Variants in FRMPD4 observed in about 807,000 individuals in gnomAD.
The protein encoded by FRMPD4 is FERM and PDZ domain-containing protein 4.
A neutral mutation model predicts 94.1 loss-of-function variants in FRMPD4; 22 were observed. The ratio of observed to expected loss-of-function variants is 0.23; its 90% CI spans 0.17 to 0.33. FRMPD4 has a LOEUF of 0.33. Ranked by LOEUF, FRMPD4 falls within the 10% of genes least tolerant of loss-of-function variation. FRMPD4 has a pLI of 1.00. For missense variants in FRMPD4, 1,111 were observed against 1,339.9 expected (o/e 0.83, Z 2.67); for synonymous variants, 631 against 548.6 (o/e 1.15, Z -2.10).
intron 2 of FRMPD4, among the ~76,000 whole-genome samples, chrX:12,520,008 A>G (rs2058144731): frequency 8.9e-6 from 1 of 112,266 alleles, no homozygotes; most frequent in Non-Finnish European, 1.9e-5. Flanking sequence ...AAAATTAAAA[A>G]TATAACTACT....
In FRMPD4 at chrX:12,498,739, T is replaced by A. The variant is rs1177830373; in HGVS notation, c.101T>A (p.Val34Glu). The change falls in exon 2 of 17, where the codon GTG (valine) becomes GAG (glutamate). Residue 34 changes from valine (V) to glutamate (E), a missense_variant. By Grantham distance (121) the Val-to-Glu change is moderately radical. This residue lies in a region of FRMPD4 where 140 missense variants were observed against 165.9 expected (regional missense o/e 0.84). Transcript: ENST00000675598. ...PPSGTWGLSQVPPYGWEMTAN... is the reference protein window; with the variant it reads ...PPSGTWGLSQEPPYGWEMTAN... Reference sequence around the variant, plus strand: ...TCGGGAACCTGGGGCTTGAGCCAGGTGCCGCCCTATGGATGGGAGATGACG... The same window carrying A: ...TCGGGAACCTGGGGCTTGAGCCAGGAGCCGCCCTATGGATGGGAGATGACG... 1 of 1,201,841 alleles carries A rather than the reference T, an allele frequency of 8.3e-7. No homozygotes were observed. Among genetic ancestry groups the A allele is most frequent in the African/African-American group, 1.8e-5 (1 of 57,026 alleles).
intron 3 of FRMPD4, among the ~76,000 whole-genome samples, chrX:11,895,106 T>C (rs1451422687): frequency 1.8e-5 from 2 of 111,892 alleles, no homozygotes; most frequent in African/African-American, 3.3e-5. Context: ...TTCTTGCTCT[T>C]GCTTGTACAA....
chrX:12,494,469 C>G (rs184258377), intron 1 of FRMPD4, among the ~76,000 whole-genome samples: 4 of 111,986 alleles, frequency 3.6e-5, no homozygotes, highest in Admixed American at 2.8e-4. Flanking sequence ...GGTCACAAAT[C>G]TAGTAAGTGG....
intron 1 of FRMPD4, among the ~76,000 whole-genome samples, chrX:12,280,303 A>G (rs972955329): frequency 9.3e-6 from 1 of 107,463 alleles, no homozygotes; most frequent in Non-Finnish European, 1.9e-5. Flanking sequence ...AGCAAAGAAC[A>G]AGACTATCCT....
At chrX:12,003,425 A>AT (rs1487100740) in intron 3 of FRMPD4, among the ~76,000 whole-genome samples, 1 of 100,336 alleles carries the variant, frequency 1.0e-5, no homozygotes, top group Non-Finnish European at 2.0e-5. Flanking sequence ...GTTTGTGTGT[A>AT]TTTTTTAAGA....
intron 1 of FRMPD4, among the ~76,000 whole-genome samples, chrX:12,394,770 C>A (rs2056521822): frequency 9.0e-6 from 1 of 111,546 alleles, no homozygotes; most frequent in Non-Finnish European, 1.9e-5. Flanking sequence ...AGTTGCAATG[C>A]ATTTGTTGTT....
chrX:11,825,346 G>T (rs1208707444), intron 1 of FRMPD4, among the ~76,000 whole-genome samples: 1 of 109,344 alleles, frequency 9.1e-6, no homozygotes, highest in Non-Finnish European at 1.9e-5. Context: ...CTTGATAAAG[G>T]CTCAACACAA....
rs1472877268 is a variant in FRMPD4, at chrX:12,718,549, C to T, written c.3723C>T (p.Pro1241=). ...CATPVESPLC[P]SLGKHLIPDA... is the part of the protein sequence containing the mutation. ...CACCCGTGGAGTCGCCGCTCTGCCCCTCCCTGGGGAAGCACTTGATTCCTG... is the reference window on the plus strand; with the variant it reads ...CACCCGTGGAGTCGCCGCTCTGCCCTTCCCTGGGGAAGCACTTGATTCCTG... The change falls in exon 16 of 17, where the codon CCC becomes CCT. Residue 1241 remains proline (P), a synonymous_variant. Coordinates refer to ENST00000675598, the MANE Select transcript of FRMPD4 (RefSeq NM_001368397.1). 9.1e-6 allele frequency: 11 copies of T among 1,203,160 alleles called. No individual in the cohort carries two copies. The Admixed American group carries it at 1.3e-4, about 14-fold the overall frequency.
intron 1 of FRMPD4, among the ~76,000 whole-genome samples, chrX:12,460,662 T>C (rs1370986888): frequency 1.8e-5 from 2 of 112,199 alleles, no homozygotes; most frequent in Non-Finnish European, 3.8e-5. Context: ...TGTTATTTTC[T>C]TGTCAGTATA....
At chrX:12,224,750 C>A (rs765029466) in intron 1 of FRMPD4, among the ~76,000 whole-genome samples, 7 of 111,572 alleles carry the variant, frequency 6.3e-5, no homozygotes, top group Non-Finnish European at 1.1e-4. Flanking sequence ...TTTGTGCTCT[C>A]AAGCCTAATC....
rs2055639655 is a variant in FRMPD4 at position 12,138,767 on chromosome X, G to T, written c.-205G>T. On this transcript the variant is annotated 5_prime_UTR_variant, in exon 1 of 17. Coordinates refer to ENST00000675598, the MANE Select transcript of FRMPD4 (RefSeq NM_001368397.1). Reference sequence around the variant, plus strand: ...GTGCCTATCAATGGTCCTGCTCGGGGATGCACACGCAGCTCGCGGCCGGAG... The same window carrying T: ...GTGCCTATCAATGGTCCTGCTCGGGTATGCACACGCAGCTCGCGGCCGGAG... 2.8e-6 allele frequency: 1 copy of T among 363,569 alleles called. No individual in the cohort carries two copies. The highest frequency in any genetic ancestry group is 4.7e-6 in the Non-Finnish European group (1 of 211,392). 30.0% of individuals were successfully genotyped at this position (363,569 alleles called of 1,213,427 possible). A position where few individuals can be genotyped will look rare whatever the true frequency, so the allele number is the denominator to read the frequency against.
chrX:12,583,170 T>C (rs2058886317), intron 2 of FRMPD4, among the ~76,000 whole-genome samples: 1 of 112,858 alleles, frequency 8.9e-6, no homozygotes, highest in Non-Finnish European at 1.9e-5. Flanking sequence ...TATGAGAACA[T>C]ATGCTCATCT....
chrX:11,888,222 T>C (rs758084059), intron 3 of FRMPD4, among the ~76,000 whole-genome samples: 3 of 112,081 alleles, frequency 2.7e-5, no homozygotes, highest in Non-Finnish European at 5.6e-5. Context: ...ATGATCACTA[T>C]GTACATCAAA....
intron 1 of FRMPD4, among the ~76,000 whole-genome samples, chrX:12,160,059 A>G (rs1425896306): frequency 1.1e-5 from 1 of 91,961 alleles, no homozygotes; most frequent in Non-Finnish European, 2.1e-5. Flanking sequence ...GTAGCTGTAG[A>G]TGTTGAGGGG....
At chrX:12,609,629 CA>C in intron 2 of FRMPD4, 91 bp from the exon 3 acceptor site, 2 of 776,278 alleles carry the variant, frequency 2.6e-6, no homozygotes, top group Non-Finnish European at 3.8e-6. Flanking sequence ...TACCAAAAAA[CA>C]GGTTTTGAAA....
chrX:12,564,240 C>T (rs1483540420), intron 2 of FRMPD4, among the ~76,000 whole-genome samples: 2 of 112,688 alleles, frequency 1.8e-5, no homozygotes, highest in African/African-American at 6.4e-5. Flanking sequence ...TAGGCTTCAA[C>T]ATACCAATTT....
chrX:11,845,468 C>G (rs2053569340), intron 1 of FRMPD4, among the ~76,000 whole-genome samples: 3 of 110,474 alleles, frequency 2.7e-5, no homozygotes, highest in Non-Finnish European at 5.7e-5. Flanking sequence ...GAACTGGTAC[C>G]ATTCCTTCTG....
At chrX:12,580,266 G>A (rs2058851562) in intron 2 of FRMPD4, among the ~76,000 whole-genome samples, 4 of 111,466 alleles carry the variant, frequency 3.6e-5, no homozygotes, top group Admixed American at 2.9e-4. Flanking sequence ...AGAACAAGGG[G>A]CCAGAGTTTG....
intron 1 of FRMPD4, among the ~76,000 whole-genome samples, chrX:12,346,623 C>A (rs1239988568): frequency 1.8e-5 from 2 of 111,399 alleles, no homozygotes; most frequent in African/African-American, 6.5e-5. Context: ...GCTTTTAGCA[C>A]CCCTTACAAA....
Sources: gnomAD v4.1 joint callset for allele counts (sites outside exome capture counted in the v4.1 genomes callset) on GRCh38, gnomAD v4.1.1 for gene constraint, gnomAD v4.1.1 regional missense constraint, MANE v1.5 for transcripts, NCBI Gene and HGNC (gene_info 2026-07-23, HGNC 2026-07-21) for gene names.